Variants in SH3D19 observed in about 807,000 individuals in gnomAD.
SH3D19 encodes SH3 domain-containing protein 19.
Under a neutral mutation model 112.1 loss-of-function variants are expected in SH3D19, and 58 were observed. That is an observed-to-expected ratio of 0.52 (90% confidence interval 0.42 to 0.64). The LOEUF (loss-of-function observed/expected upper bound fraction) is 0.64. Among genes scored for constraint, SH3D19 ranks in the 30% least tolerant of loss-of-function variants. The probability of loss-of-function intolerance (pLI) is 0.00; values close to 1 mark genes in which losing one functional copy is unlikely to be tolerated. For synonymous variants in SH3D19, 391 were observed against 448.5 expected (o/e 0.87, Z 1.62); for missense variants, 1,090 against 1,263.4 (o/e 0.86, Z 2.08).
chr4:151,148,723 G>A (rs1754396177), intron 10 of SH3D19, among the ~76,000 whole-genome samples: 1 of 152,156 alleles, frequency 6.6e-6, no homozygotes, highest in Non-Finnish European at 1.5e-5. Context: ...TACTTTGAAA[G>A]CCTTTCCTTA....
intron 1 of SH3D19, among the ~76,000 whole-genome samples, chr4:151,294,098 CTAAT>C (rs1159020498): frequency 6.6e-6 from 1 of 152,130 alleles, no homozygotes; most frequent in Non-Finnish European, 1.5e-5. Flanking sequence ...ATGTAGTTGT[CTAAT>C]TAACATATGT....
At chr4:151,158,297 T>C (rs995995852) in intron 9 of SH3D19, among the ~76,000 whole-genome samples, 5 of 152,082 alleles carry the variant, frequency 3.3e-5, no homozygotes, top group African/African-American at 1.2e-4. Context: ...ATTCTTTATT[T>C]ATTTATTTAT....
chr4:151,311,732 C>G (rs1406606564), intron 1 of SH3D19, among the ~76,000 whole-genome samples: 4 of 151,944 alleles, frequency 2.6e-5, no homozygotes, highest in Non-Finnish European at 5.9e-5. Flanking sequence ...CTCAGCTACT[C>G]AGGAGGCTGA....
chr4:151,275,660 T>G (rs1050605445), intron 1 of SH3D19, among the ~76,000 whole-genome samples: 5 of 146,928 alleles, frequency 3.4e-5, no homozygotes, highest in African/African-American at 1.3e-4. Context: ...AGCTGGGGAC[T>G]TCAGGTGCAC....
intron 2 of SH3D19, among the ~76,000 whole-genome samples, chr4:151,216,232 T>C (rs1767080716): frequency 6.6e-6 from 1 of 152,240 alleles, no homozygotes; most frequent in Non-Finnish European, 1.5e-5. Context: ...AGTAATTCTG[T>C]CCTAAGATTT....
At chr4:151,147,061 G>C (rs1754042788) in intron 11 of SH3D19, among the ~76,000 whole-genome samples, 1 of 152,172 alleles carries the variant, frequency 6.6e-6, no homozygotes, top group African/African-American at 2.4e-5. Context: ...AAGGGGAAAA[G>C]GAGTTATTAG....
chr4:151,200,413 A>G (rs1451065943), intron 2 of SH3D19, among the ~76,000 whole-genome samples: 2 of 152,244 alleles, frequency 1.3e-5, no homozygotes, highest in Non-Finnish European at 2.9e-5. Context: ...ATTATTAAAA[A>G]TTAAGTTATA....
At chr4:151,318,012 G>T (rs1373610408) in intron 1 of SH3D19, among the ~76,000 whole-genome samples, 2 of 149,134 alleles carry the variant, frequency 1.3e-5, no homozygotes, top group South Asian at 4.3e-4. Flanking sequence ...GAAAATAAAA[G>T]ATAGGCCGGG....
chr4:151,317,771 C>G (rs543151658), intron 1 of SH3D19, among the ~76,000 whole-genome samples: 41 of 152,006 alleles, frequency 2.7e-4, no homozygotes, highest in Admixed American at 1.4e-3. Context: ...GTCAGGAGTT[C>G]GAGACCAGCC....
Position 151,128,168 on chromosome 4 carries a change from A to T in SH3D19, c.2929+2T>A, listed in dbSNP as rs2149727796. On this transcript the variant is annotated splice_donor_variant, in intron 18 of 19. Coordinates refer to ENST00000604030, the MANE Select transcript of SH3D19 (RefSeq NM_001378122.1). LOFTEE classifies it high-confidence loss of function. Reference sequence around the variant, plus strand: ...CGCATTCATGTCTTGCGGTTGTCATACCTGGGCAGGGCCTCACAAACACTG... The same window carrying T: ...CGCATTCATGTCTTGCGGTTGTCATTCCTGGGCAGGGCCTCACAAACACTG... 1 of 1,595,564 alleles carries T rather than the reference A, an allele frequency of 6.3e-7. No individual in the cohort carries two copies. The highest frequency in any genetic ancestry group is 1.7e-4 in the Middle Eastern group (1 of 5,998).
At chr4:151,278,867 G>A (rs376267315) in intron 1 of SH3D19, among the ~76,000 whole-genome samples, 4 of 152,044 alleles carry the variant, frequency 2.6e-5, no homozygotes, top group Non-Finnish European at 4.4e-5. Flanking sequence ...TCCTGGACTT[G>A]AGCAATCCAC....
chr4:151,215,496 T>G (rs1766921920), intron 2 of SH3D19, among the ~76,000 whole-genome samples: 1 of 152,236 alleles, frequency 6.6e-6, no homozygotes, highest in South Asian at 2.1e-4. Flanking sequence ...CATACTTTCC[T>G]TCCATTCTTT....
chr4:151,126,841 C>A, intron 19 of SH3D19, among the ~76,000 whole-genome samples: 1 of 126,528 alleles, frequency 7.9e-6, no homozygotes, highest in Non-Finnish European at 1.7e-5. Context: ...TCTACTTTTA[C>A]TTTAAGAAGA....
chr4:151,284,667 T>G (rs1774569008), intron 1 of SH3D19, among the ~76,000 whole-genome samples: 1 of 152,206 alleles, frequency 6.6e-6, no homozygotes, highest in Non-Finnish European at 1.5e-5. Flanking sequence ...TAATATCTAA[T>G]CATTTTGGAA....
intron 2 of SH3D19, among the ~76,000 whole-genome samples, chr4:151,217,982 C>T (rs1029523163): frequency 2.0e-5 from 3 of 151,942 alleles, no homozygotes; most frequent in Non-Finnish European, 4.4e-5. Context: ...ATATATATCC[C>T]CATTTGTTCT....
intron 2 of SH3D19, among the ~76,000 whole-genome samples, chr4:151,199,911 C>T (rs1161120304): frequency 6.6e-6 from 1 of 152,098 alleles, no homozygotes; most frequent in Non-Finnish European, 1.5e-5. Flanking sequence ...TCCTAATCTC[C>T]AAGGTTTTGG....
At chr4:151,249,890 A>AT (rs1282693843) in intron 1 of SH3D19, among the ~76,000 whole-genome samples, 2 of 152,190 alleles carry the variant, frequency 1.3e-5, no homozygotes, top group Admixed American at 6.5e-5. Flanking sequence ...ATATATTCCT[A>AT]TTTTCTAATT....
At chr4:151,227,404 C>T (rs1044500353) in intron 1 of SH3D19, among the ~76,000 whole-genome samples, 5 of 152,178 alleles carry the variant, frequency 3.3e-5, no homozygotes, top group East Asian at 3.8e-4. Flanking sequence ...TAAAAAGATT[C>T]ACAATAAAGC....
chr4:151,189,099 G>A (rs575293746), intron 2 of SH3D19, among the ~76,000 whole-genome samples: 19 of 152,084 alleles, frequency 1.2e-4, no homozygotes, highest in Non-Finnish European at 2.6e-4. Flanking sequence ...GTAAGTTTCT[G>A]TTTTTGTTTT....
Sources: gnomAD v4.1 joint callset for allele counts (sites outside exome capture counted in the v4.1 genomes callset) on GRCh38, gnomAD v4.1.1 for gene constraint, MANE v1.5 for transcripts, NCBI Gene and HGNC (gene_info 2026-07-23, HGNC 2026-07-21) for gene names.